Variants in EZR observed in about 807,000 individuals in gnomAD.
EZR encodes the protein ezrin.
EZR carries 40 observed loss-of-function variants against 74.8 expected under a neutral mutation model. The observed-to-expected ratio is 0.53, with a 90% CI of 0.42 to 0.70. The LOEUF is 0.70. Ranked by LOEUF, EZR falls within the 30% of genes least tolerant of loss-of-function variation. The pLI is 0.00. For synonymous variants in EZR, 341 were observed against 283.3 expected (o/e 1.20, Z -2.05); for missense variants, 678 against 755.8 (o/e 0.90, Z 1.21).
intron 4 of EZR, 146 bp from the exon 5 acceptor site, chr6:158,785,729 C>T (rs569741863): frequency 1.1e-5 from 12 of 1,072,540 alleles, no homozygotes; most frequent in Admixed American, 2.8e-5. Context: ...TTTAGCACTC[C>T]AGACAAAAAA....
chr6:158,792,096 T>A (rs1791764125), intron 2 of EZR, among the ~76,000 whole-genome samples: 1 of 152,190 alleles, frequency 6.6e-6, no homozygotes, highest in South Asian at 2.1e-4. Flanking sequence ...ATAATTAACA[T>A]TAAAAAGATA....
At chr6:158,777,951 T>G (rs1791327006) in intron 7 of EZR, among the ~76,000 whole-genome samples, 1 of 152,116 alleles carries the variant, frequency 6.6e-6, no homozygotes, top group Non-Finnish European at 1.5e-5. Flanking sequence ...AGACATGCAA[T>G]GAGTTTGTTC....
At chr6:158,778,900 T>C (rs2128568298) in intron 7 of EZR, among the ~76,000 whole-genome samples, 1 of 152,336 alleles carries the variant, frequency 6.6e-6, no homozygotes. Context: ...TGGCTCCTTA[T>C]AGAATTCCAA....
In EZR at chr6:158,793,403, A is replaced by AAT. The variant is rs759378798; in HGVS notation, c.13-4034_13-4033dup. ...AACCCCTTCTTAGAATCACAGTTTT[A>AAT]ATATATATATATATTCATACATAGG... On this transcript the variant is annotated intron_variant, in intron 2 of 13. Transcript: ENST00000367075. Among the ~76,000 whole-genome samples the AAT allele has an allele frequency of 1.4e-3, 213 of 151,378 alleles. 1 individual carries two copies. Among genetic ancestry groups the AAT allele is most frequent in the East Asian group, 7.6e-3 (39 of 5,160 alleles).
At chr6:158,772,889 A>G (rs919618135) in intron 8 of EZR, among the ~76,000 whole-genome samples, 2 of 142,354 alleles carry the variant, frequency 1.4e-5, no homozygotes, top group Non-Finnish European at 3.2e-5. Flanking sequence ...AGAAGAATCT[A>G]TTTAGCTTCA....
chr6:158,770,661 C>G (rs145292542), intron 10 of EZR, 103 bp downstream of exon 10: 1 of 1,354,222 alleles, frequency 7.4e-7, no homozygotes, highest in Non-Finnish European at 1.0e-6. Context: ...CTGTGGGACA[C>G]GTTCTTGGTT....
chr6:158,779,455 T>C (rs1166698410), intron 7 of EZR, among the ~76,000 whole-genome samples: 4 of 152,204 alleles, frequency 2.6e-5, no homozygotes, highest in Non-Finnish European at 5.9e-5. Flanking sequence ...TTTTCTTATC[T>C]TGGTATTTGG....
At chr6:158,771,965 C>T (rs375308000) in intron 8 of EZR, among the ~76,000 whole-genome samples, 3 of 152,170 alleles carry the variant, frequency 2.0e-5, no homozygotes, top group South Asian at 4.1e-4. Flanking sequence ...GTCACCACCC[C>T]GACCCATCAC....
chr6:158,793,515 G>A (rs981857680), intron 2 of EZR, among the ~76,000 whole-genome samples: 21 of 152,196 alleles, frequency 1.4e-4, no homozygotes, highest in Admixed American at 4.6e-4. Flanking sequence ...ATGTTAATGA[G>A]CTGCTTTAAG....
At chr6:158,783,008 G>A (rs1583566663) in intron 7 of EZR, among the ~76,000 whole-genome samples, 2 of 152,164 alleles carry the variant, frequency 1.3e-5, no homozygotes, top group Admixed American at 6.5e-5. Flanking sequence ...AACAAACAAC[G>A]TAACTAATGC....
rs973519515 is a variant in EZR, at chr6:158,815,251, A to C, written c.12+2831T>G. Among the ~76,000 whole-genome samples, 3 of 152,126 alleles carry C rather than the reference A, an allele frequency of 2.0e-5. No individual in the cohort carries two copies. In the East Asian group the frequency reaches 5.8e-4, roughly 29 times the overall value. On this transcript the variant is annotated intron_variant, in intron 2 of 13. Coordinates refer to ENST00000367075, the MANE Select transcript of EZR (RefSeq NM_001111077.2). Reference sequence around the variant, plus strand: ...CAAAAAAACCCCAAACCAAACCAAAACTAACTGGATCCTCTCTAACAGCCT... The same window carrying C: ...CAAAAAAACCCCAAACCAAACCAAACCTAACTGGATCCTCTCTAACAGCCT...
intron 2 of EZR, among the ~76,000 whole-genome samples, chr6:158,805,019 T>C (rs954138794): frequency 4.0e-5 from 6 of 149,522 alleles, no homozygotes; most frequent in East Asian, 2.0e-4. Flanking sequence ...CGGTGTTTGG[T>C]TTTTTGTTCT....
intron 2 of EZR, among the ~76,000 whole-genome samples, chr6:158,813,484 T>C (rs1777489965): frequency 6.6e-6 from 1 of 152,254 alleles, no homozygotes. Flanking sequence ...TCACTCATCC[T>C]ACCAGCACCT....
At chr6:158,771,645 G>T (rs74394596) in intron 8 of EZR, among the ~76,000 whole-genome samples, 1 of 151,750 alleles carries the variant, frequency 6.6e-6, no homozygotes, top group East Asian at 1.9e-4. Flanking sequence ...TCTCTGGGAC[G>T]GGTGGAGGAA....
chr6:158,802,964 C>T (rs1777220620), intron 2 of EZR, among the ~76,000 whole-genome samples: 1 of 151,096 alleles, frequency 6.6e-6, no homozygotes, highest in African/African-American at 2.5e-5. Context: ...AGCAGGAACT[C>T]ATTTCCCAGA....
chr6:158,775,857 A>G (rs1412995924), intron 8 of EZR, among the ~76,000 whole-genome samples: 1 of 152,220 alleles, frequency 6.6e-6, no homozygotes, highest in Admixed American at 6.5e-5. Flanking sequence ...AGATTTCAGG[A>G]CATAAAGTGT....
intron 2 of EZR, among the ~76,000 whole-genome samples, chr6:158,794,807 C>T (rs1456972579): frequency 3.3e-5 from 5 of 152,148 alleles, no homozygotes; most frequent in South Asian, 2.1e-4. Flanking sequence ...AAAAGTTATG[C>T]TTAGCTTGGG....
At position 158,771,249 on chromosome 6, in the gene EZR, C is replaced by G; in HGVS notation, c.954G>C (p.Leu318=). 1 of 1,612,030 alleles carries G rather than the reference C, an allele frequency of 6.2e-7. No individual in the cohort carries two copies. The highest frequency in any genetic ancestry group is 8.5e-7 in the Non-Finnish European group (1 of 1,178,964). ...QAREEKHQKQ[L]ERQQLETEKK... ...CTCTGGCCTCACGCGCTCACCGCTC[C>G]AGCTGCTTCTGATGCTTCTCCTCCC... Residue 318 remains leucine, a synonymous_variant, in exon 9 of 14, where the codon CTG becomes CTC. Coordinates refer to ENST00000367075, the MANE Select transcript of EZR (RefSeq NM_001111077.2).
chr6:158,815,757 G>T (rs1238068469), intron 2 of EZR, among the ~76,000 whole-genome samples: 1 of 152,164 alleles, frequency 6.6e-6, no homozygotes, highest in African/African-American at 2.4e-5. Context: ...CCTGTAATCA[G>T]GCCACCTCGC....
Sources: gnomAD v4.1 joint callset for allele counts (sites outside exome capture counted in the v4.1 genomes callset) on GRCh38, gnomAD v4.1.1 for gene constraint, MANE v1.5 for transcripts, NCBI Gene and HGNC (gene_info 2026-07-23, HGNC 2026-07-21) for gene names.